The following ERCC4 variants were observed in gnomAD, a reference collection of about 807,000 sequenced individuals.
ERCC4 encodes the protein DNA repair endonuclease XPF.
ERCC4 carries 65 observed loss-of-function variants against 76.9 expected under a neutral mutation model. That is an observed-to-expected ratio of 0.84 (90% CI 0.69 to 1.04). The LOEUF (loss-of-function observed/expected upper bound fraction) is 1.04. ERCC4 is among the 50% of genes least tolerant of loss of function. The pLI is 0.00. For missense variants in ERCC4, 1,214 were observed against 1,128.2 expected, an observed-to-expected ratio of 1.08 and a Z score of -1.09; for synonymous variants, 463 against 410.1, an observed-to-expected ratio of 1.13 and a Z score of -1.56.
chr16:13,949,694 G>GT lies in ERCC4; in HGVS notation c.*1348dup, dbSNP rs1372767874. ...AAACCTGATTAAGTTGGCTTTTTAC[G>GT]TAAGTGTACAAATAGGATATTCACA... is the stretch of plus-strand genomic sequence containing the variant. On this transcript the variant is annotated 3_prime_UTR_variant, in exon 11 of 11. Coordinates refer to ENST00000311895, the MANE Select transcript of ERCC4 (RefSeq NM_005236.3). 2 of 232,532 alleles carry GT rather than the reference G, an allele frequency of 8.6e-6. No individual in the cohort carries two copies. The highest frequency in any genetic ancestry group is 1.2e-4 in the East Asian group (2 of 16,374). 14.4% of individuals were successfully genotyped at this position (232,532 alleles called of 1,614,324 possible).
In ERCC4 at chr16:13,932,264, A is replaced by G. The variant is rs1397638551; in HGVS notation, c.1081A>G (p.Met361Val). The change falls in exon 6 of 11, where the codon ATG becomes GTG. Residue 361 changes from methionine (M) to valine (V), a missense_variant. Physicochemically the swap from Met to Val is conservative, Grantham distance 21. Coordinates refer to ENST00000311895, the MANE Select transcript of ERCC4 (RefSeq NM_005236.3). ...TAAAAAAGAAAAAATATCTGAAAAA[A>G]TGGAAATTAAAGAAGGGGAAGGTAT... ...MSKKEKISEK[M>V]EIKEGEETKK... 5 of 1,611,144 alleles carry G rather than the reference A, an allele frequency of 3.1e-6. No individual in the cohort carries two copies. Among genetic ancestry groups the G allele is most frequent in the Non-Finnish European group, 4.2e-6 (5 of 1,177,750 alleles).
At chr16:13,947,562 T>C (rs2141619571) in intron 10 of ERCC4, 52 bp from the exon 11 acceptor site, 9 of 1,599,364 alleles carry the variant, frequency 5.6e-6, no homozygotes, top group East Asian at 2.2e-5. Context: ...TTTTGTTATA[T>C]TCCTTCTTTG....
At chr16:13,921,569 A>G (rs1324791478) in intron 1 of ERCC4, among the ~76,000 whole-genome samples, 1 of 152,186 alleles carries the variant, frequency 6.6e-6, no homozygotes, top group Admixed American at 6.5e-5. Flanking sequence ...ATATAAATAA[A>G]CCAAGCCAAG....
intron 5 of ERCC4, chr16:13,931,378 G>A (rs180916864): frequency 1.4e-3 from 229 of 163,574 alleles, no homozygotes; most frequent in Middle Eastern, 3.3e-3. Flanking sequence ...CCAGACCAGC[G>A]GTTTTCAAAG....
chr16:13,933,080 TA>T (rs2032214929), intron 6 of ERCC4: 2 of 391,004 alleles, frequency 5.1e-6, no homozygotes, highest in Admixed American at 6.1e-5. Flanking sequence ...CAAAAACTTT[TA>T]AAGTAGCCTG....
rs2032156289 is a variant in ERCC4, at chr16:13,930,754, C to G, written c.837C>G (p.Ala279=). 3.1e-6 allele frequency: 5 copies of G among 1,613,664 alleles called. No homozygotes were observed. Among genetic ancestry groups the G allele is most frequent in the Non-Finnish European group, 4.2e-6 (5 of 1,179,650 alleles). ...ATCCTTTGTGGCACCAGCTTGGAGC[C>G]AAGACTAAATCCTTAGTTCAGGATT... is the stretch of plus-strand genomic sequence containing the variant. ...YLDPLWHQLG[A]KTKSLVQDLK... The change falls in exon 5 of 11, where the codon GCC becomes GCG. Residue 279 remains alanine, a synonymous_variant. Coordinates refer to ENST00000311895, the MANE Select transcript of ERCC4 (RefSeq NM_005236.3).
rs1263099603 is a variant in ERCC4 at position 13,920,160 on chromosome 16, G to A, written c.-6G>A. On this transcript the variant is annotated 5_prime_UTR_variant, in exon 1 of 11. Coordinates refer to ENST00000311895, the MANE Select transcript of ERCC4 (RefSeq NM_005236.3). ...CTGCGTTCGGCTGCGACCCGGAAGA[G>A]CTTCCATGGAGTCAGGGCAGCCGGC... The A allele has an allele frequency of 6.2e-7, 1 of 1,604,202 alleles. No homozygotes were observed. Among genetic ancestry groups the A allele is most frequent in the East Asian group, 2.2e-5 (1 of 44,876 alleles).
At position 13,920,274 on chromosome 16, in the gene ERCC4, C is replaced by T. The variant is rs144602005; in HGVS notation, c.109C>T (p.Arg37Cys). 3.6e-5 allele frequency: 58 copies of T among 1,606,388 alleles called. No individual in the cohort carries two copies. The highest frequency in any genetic ancestry group is 4.7e-5 in the Non-Finnish European group (56 of 1,179,888). Residue 37 changes from arginine to cysteine, a missense_variant, in exon 1 of 11, where the codon CGC becomes TGC. Coordinates refer to ENST00000311895, the MANE Select transcript of ERCC4 (RefSeq NM_005236.3). ...CACTGACGGGCTAGTAGTGTGCGCC[C>T]GCGGGCTCGGCGCGGACCGGCTCCT... Reference protein sequence around the residue: ...LDTDGLVVCARGLGADRLLYH... With the variant: ...LDTDGLVVCACGLGADRLLYH...
At chr16:13,928,268 T>G in intron 4 of ERCC4, 33 bp downstream of exon 4, 1 of 1,407,902 alleles carries the variant, frequency 7.1e-7, no homozygotes. Flanking sequence ...CAGTTTATTA[T>G]GTTGTAATTT....
intron 8 of ERCC4, 89 bp from the exon 9 acceptor site, chr16:13,937,677 C>A: frequency 1.2e-6 from 1 of 809,766 alleles, no homozygotes; most frequent in South Asian, 1.4e-5. Context: ...TTTGAGCGCT[C>A]TAGGTTGCTG....
rs1002683799 is a variant in ERCC4 at position 13,948,822 on chromosome 16, C to T, written c.*475C>T. The T allele has an allele frequency of 8.6e-6, 2 of 233,026 alleles. No individual in the cohort carries two copies. Among genetic ancestry groups the T allele is most frequent in the African/African-American group, 4.4e-5 (2 of 45,294 alleles). 14.4% of individuals were successfully genotyped at this position (233,026 alleles called of 1,614,324 possible). A position where few individuals can be genotyped will look rare whatever the true frequency, so the allele number is the denominator to read the frequency against. ...ACTTATACCCATGTCCTGTGGCTCT[C>T]CAAATCTGGTCTTTGCTGTTGTGTC... is the stretch of plus-strand genomic sequence containing the variant. On this transcript the variant is annotated 3_prime_UTR_variant, in exon 11 of 11. Transcript: ENST00000311895.
chr16:13,941,556 A>G (rs556502160), intron 9 of ERCC4, among the ~76,000 whole-genome samples: 1 of 152,360 alleles, frequency 6.6e-6, no homozygotes, highest in South Asian at 2.1e-4. Flanking sequence ...CTCTTTAACC[A>G]GAAAGGAACA....
rs773652331 is a variant in ERCC4, at chr16:13,922,131, A to C, written c.308A>C (p.Gln103Pro). 1.9e-6 allele frequency: 3 copies of C among 1,613,516 alleles called. No homozygotes were observed. Among genetic ancestry groups the C allele is most frequent in the Non-Finnish European group, 2.5e-6 (3 of 1,179,406 alleles). Residue 103 changes from glutamine (Q) to proline (P), a missense_variant, in exon 2 of 11, where the codon CAA becomes CCA. By Grantham distance (76) the Gln-to-Pro change is moderately conservative. Coordinates refer to ENST00000311895, the MANE Select transcript of ERCC4 (RefSeq NM_005236.3). Reference sequence around the variant, plus strand: ...AACAGTCGCTATGAAGTTTACACACAAGGTGGTGTTATATTTGCGACAAGT... The same window carrying C: ...AACAGTCGCTATGAAGTTTACACACCAGGTGGTGTTATATTTGCGACAAGT... ...TSNSRYEVYT[Q>P]GGVIFATSRI...
rs750673145 is a variant in ERCC4, at chr16:13,926,713, G to A, written c.541G>A (p.Val181Met). 8.7e-6 allele frequency: 14 copies of A among 1,613,992 alleles called. No individual in the cohort carries two copies. The highest frequency in any genetic ancestry group is 1.2e-5 in the Non-Finnish European group (14 of 1,179,980). Residue 181 changes from valine (V) to methionine (M), a missense_variant, in exon 3 of 11, where the codon GTG becomes ATG. Coordinates refer to ENST00000311895, the MANE Select transcript of ERCC4 (RefSeq NM_005236.3). Reference protein sequence around the residue: ...FDTGFCHVERVMRNLFVRKLY... With the variant: ...FDTGFCHVERMMRNLFVRKLY... ...TACTGGTTTTTGTCATGTGGAAAGA[G>A]TGATGAGAAATCTTTTTGTGAGGAA...
intron 4 of ERCC4, 124 bp downstream of exon 4, chr16:13,928,359 T>G (rs2032109497): frequency 1.4e-6 from 1 of 703,250 alleles, no homozygotes; most frequent in Non-Finnish European, 2.4e-6. Context: ...TGGAGGTCAC[T>G]TAAAAACATA....
rs1308444240 is a variant in ERCC4 at position 13,951,176 on chromosome 16, T to A, written c.*2829T>A. 1 of 184,284 alleles carries A rather than the reference T, an allele frequency of 5.4e-6. No homozygotes were observed. Among genetic ancestry groups the A allele is most frequent in the Non-Finnish European group, 1.2e-5 (1 of 86,808 alleles). The allele number at this position is 184,284 out of a possible 1,614,324, so 11.4% of individuals were successfully genotyped here. On this transcript the variant is annotated 3_prime_UTR_variant, in exon 11 of 11. Coordinates refer to ENST00000311895, the MANE Select transcript of ERCC4 (RefSeq NM_005236.3). Reference sequence around the variant, plus strand: ...ATTTTTATAAAAATTTTTTTTACAATCTAATAATCTTTGGTAAAGGAACTA... The same window carrying A: ...ATTTTTATAAAAATTTTTTTTACAAACTAATAATCTTTGGTAAAGGAACTA...
chr16:13,920,930 G>A (rs963348826), intron 1 of ERCC4, among the ~76,000 whole-genome samples: 2 of 152,168 alleles, frequency 1.3e-5, no homozygotes, highest in African/African-American at 4.8e-5. Flanking sequence ...CCCTGACATG[G>A]GTGCAAGGGC....
In ERCC4 at chr16:13,947,971, C is replaced by T. The variant is rs1170074767; in HGVS notation, c.2375C>T (p.Thr792Ile). 1.9e-6 allele frequency: 3 copies of T among 1,614,032 alleles called. No individual in the cohort carries two copies. Among genetic ancestry groups the T allele is most frequent in the African/African-American group, 2.7e-5 (2 of 74,912 alleles). ...ATTAGTTCCAAACTCACTCTTCTTA[C>T]ACTTCACTTCCCCAGACTACGGATT... is the stretch of plus-strand genomic sequence containing the variant. Reference protein sequence around the residue: ...NDISSKLTLLTLHFPRLRILW... With the variant: ...NDISSKLTLLILHFPRLRILW... The change falls in exon 11 of 11, where the codon ACA becomes ATA. Residue 792 changes from threonine (T) to isoleucine (I), a missense_variant. Coordinates refer to ENST00000311895, the MANE Select transcript of ERCC4 (RefSeq NM_005236.3).
intron 2 of ERCC4, among the ~76,000 whole-genome samples, chr16:13,923,515 G>A (rs2032017665): frequency 6.6e-6 from 1 of 152,134 alleles, no homozygotes; most frequent in South Asian, 2.1e-4. Context: ...TGCTTCAATG[G>A]TAAACCGACT....
Sources: allele counts gnomAD v4.1 joint callset (sites outside exome capture counted in the v4.1 genomes callset), GRCh38; gene constraint gnomAD v4.1.1; transcripts MANE v1.5; gene names NCBI Gene and HGNC (gene_info 2026-07-23, HGNC 2026-07-21).